The following AUH variants were observed in gnomAD, a reference collection of about 807,000 sequenced individuals.
The protein encoded by AUH is methylglutaconyl-CoA hydratase, mitochondrial.
AUH carries 29 observed loss-of-function variants against 42.3 expected under a neutral mutation model. That is an observed-to-expected ratio of 0.69 (90% confidence interval 0.51 to 0.93). AUH has a LOEUF of 0.93. AUH is among the 40% of genes least tolerant of loss of function. The pLI is 0.00. For synonymous variants in AUH, 174 were observed against 166.4 expected (o/e 1.05, Z -0.35); for missense variants, 452 against 438.1 (o/e 1.03, Z -0.28).
chr9:91,336,149 T>TA (rs1346241908), intron 3 of AUH, among the ~76,000 whole-genome samples: 3 of 152,160 alleles, frequency 2.0e-5, no homozygotes, highest in African/African-American at 2.4e-5. Flanking sequence ...GAAATTTTAG[T>TA]AAAAATTTAA....
intron 6 of AUH, among the ~76,000 whole-genome samples, chr9:91,288,625 T>A (rs561394078): frequency 6.6e-6 from 1 of 152,154 alleles, no homozygotes; most frequent in Non-Finnish European, 1.5e-5. Flanking sequence ...AATAAAAGCA[T>A]TGGTTCAAGT....
intron 4 of AUH, among the ~76,000 whole-genome samples, chr9:91,309,073 T>C (rs1828485953): frequency 2.0e-5 from 3 of 150,788 alleles, no homozygotes; most frequent in African/African-American, 7.3e-5. Flanking sequence ...ATTACAGGCG[T>C]GAGCCACGGC....
rs1436297609 is a variant in AUH, at chr9:91,355,922, T to C, written c.379A>G (p.Ile127Val). The C allele has an allele frequency of 5.0e-6, 8 of 1,613,432 alleles. No individual in the cohort carries two copies. Among genetic ancestry groups the C allele is most frequent in the African/African-American group, 1.3e-5 (1 of 74,894 alleles). ...ALKSDKKVRT[I>V]IIRSEVPGIF... is the part of the protein sequence containing the mutation. ...CCTGGGACTTCACTCCTGATTATTA[T>C]GGTCCGTACTTTCTTATCAGATTTC... Residue 127 changes from isoleucine to valine, a missense_variant, in exon 3 of 10, where the codon ATA becomes GTA. By Grantham distance (29) the Ile-to-Val change is conservative. Coordinates refer to ENST00000375731, the MANE Select transcript of AUH (RefSeq NM_001698.3).
chr9:91,284,474 A>G (rs1462928398), intron 6 of AUH, among the ~76,000 whole-genome samples: 1 of 152,206 alleles, frequency 6.6e-6, no homozygotes, highest in Non-Finnish European at 1.5e-5. Flanking sequence ...GGATCTAATT[A>G]AACTAAAGAG....
chr9:91,357,197 C>T (rs1832481896), intron 1 of AUH, among the ~76,000 whole-genome samples: 1 of 152,196 alleles, frequency 6.6e-6, no homozygotes, highest in African/African-American at 2.4e-5. Context: ...CTACTGACAA[C>T]AGCTACCACC....
chr9:91,323,591 C>G (rs1265798042), intron 4 of AUH, among the ~76,000 whole-genome samples: 1 of 151,362 alleles, frequency 6.6e-6, no homozygotes, highest in Non-Finnish European at 1.5e-5. Flanking sequence ...CCACTGCACT[C>G]CAGCCTGGTG....
rs571135415 is a variant in AUH at position 91,241,832 on chromosome 9, A to G, written c.656-20840T>C. Among the ~76,000 whole-genome samples, 21 of 152,364 alleles carry G rather than the reference A, an allele frequency of 1.4e-4. No homozygotes were observed. The South Asian group carries it at 4.1e-3, about 30-fold the overall frequency. ...ATGGTGAAAACAAATCAACTATGTA[A>G]TATTTCCTAGCCCAACTGGACACTG... On this transcript the variant is annotated intron_variant, in intron 6 of 9. Transcript: ENST00000375731.
intron 6 of AUH, among the ~76,000 whole-genome samples, chr9:91,221,622 T>G (rs754729838): frequency 8.6e-5 from 13 of 152,046 alleles, no homozygotes; most frequent in Non-Finnish European, 1.5e-4. Flanking sequence ...GTGAGGAAAA[T>G]CCACTGTGTG....
In AUH at chr9:91,347,930, A is replaced by G. The variant is rs149579544; in HGVS notation, c.418+7953T>C. On this transcript the variant is annotated intron_variant, in intron 3 of 9. Coordinates refer to ENST00000375731, the MANE Select transcript of AUH (RefSeq NM_001698.3). ...TTAAAGTATAATAAAAAAAAGAAACAATATGTAAATTTTTAAAAAATCAGT... is the reference window on the plus strand; with the variant it reads ...TTAAAGTATAATAAAAAAAAGAAACGATATGTAAATTTTTAAAAAATCAGT... Among the ~76,000 whole-genome samples the G allele has an allele frequency of 2.0e-5, 3 of 152,108 alleles. No homozygotes were observed. The East Asian group carries it at 5.8e-4, about 30-fold the overall frequency.
At chr9:91,238,645 G>C (rs967282633) in intron 6 of AUH, among the ~76,000 whole-genome samples, 7 of 152,192 alleles carry the variant, frequency 4.6e-5, no homozygotes, top group African/African-American at 1.7e-4. Flanking sequence ...TAATATTACT[G>C]TTTATTATTT....
intron 3 of AUH, among the ~76,000 whole-genome samples, chr9:91,334,268 TAC>T (rs1165042941): frequency 1.3e-5 from 2 of 152,204 alleles, no homozygotes; most frequent in Non-Finnish European, 2.9e-5. Context: ...CCAGATAAAA[TAC>T]AGTTTCTTGG....
At chr9:91,294,036 G>A (rs552268308) in intron 6 of AUH, among the ~76,000 whole-genome samples, 1 of 152,310 alleles carries the variant, frequency 6.6e-6, no homozygotes, top group South Asian at 2.1e-4. Flanking sequence ...CAGTGCATCT[G>A]GTTTCCAGCA....
At chr9:91,252,951 T>C (rs77170072) in intron 6 of AUH, among the ~76,000 whole-genome samples, 1 of 152,232 alleles carries the variant, frequency 6.6e-6, no homozygotes, top group Non-Finnish European at 1.5e-5. Context: ...ATTTTTTTGG[T>C]TGTCTTTTTC....
chr9:91,277,756 A>T (rs756340080), intron 6 of AUH, among the ~76,000 whole-genome samples: 1 of 152,236 alleles, frequency 6.6e-6, no homozygotes, highest in Non-Finnish European at 1.5e-5. Context: ...TTACTAAAAG[A>T]TGAAATTTTG....
intron 6 of AUH, among the ~76,000 whole-genome samples, chr9:91,224,301 C>T (rs1281676568): frequency 6.6e-6 from 1 of 152,052 alleles, no homozygotes; most frequent in Admixed American, 6.6e-5. Flanking sequence ...TTTTAATTTG[C>T]GTCTTGAGTT....
chr9:91,276,951 G>T (rs1018898104), intron 6 of AUH, among the ~76,000 whole-genome samples: 1 of 152,204 alleles, frequency 6.6e-6, no homozygotes, highest in African/African-American at 2.4e-5. Flanking sequence ...TTGGGAAGCT[G>T]AGGTGGGAAA....
chr9:91,218,587 C>T, intron 7 of AUH: 1 of 982,500 alleles, frequency 1.0e-6, no homozygotes. Context: ...GTCCACAGAC[C>T]ACACTTTGGG....
At chr9:91,233,437 T>C (rs1056695135) in intron 6 of AUH, among the ~76,000 whole-genome samples, 1 of 152,144 alleles carries the variant, frequency 6.6e-6, no homozygotes, top group African/African-American at 2.4e-5. Context: ...TGGGGTTTAC[T>C]CTGAGGGGGA....
intron 4 of AUH, among the ~76,000 whole-genome samples, chr9:91,324,563 A>C (rs77548119): frequency 1.8e-4 from 27 of 148,782 alleles, no homozygotes; most frequent in South Asian, 6.3e-4. Flanking sequence ...AAAAAAAAGA[A>C]AGCCAAATCT....
Sources: allele counts gnomAD v4.1 joint callset (sites outside exome capture counted in the v4.1 genomes callset), GRCh38; gene constraint gnomAD v4.1.1; transcripts MANE v1.5; gene names NCBI Gene and HGNC (gene_info 2026-07-23, HGNC 2026-07-21).